PLEKHB2: variants seen among roughly 807,000 people sequenced by gnomAD.
PLEKHB2 encodes the protein pleckstrin homology domain-containing family B member 2.
A neutral mutation model predicts 36.5 loss-of-function variants in PLEKHB2; 31 were observed. That is an observed-to-expected ratio of 0.85 (90% confidence interval 0.64 to 1.15). PLEKHB2 has a LOEUF of 1.15. Ranked by LOEUF, PLEKHB2 falls within the 50% of genes most tolerant of loss-of-function variation. The probability of loss-of-function intolerance (pLI) is 0.00; values close to 1 mark genes in which losing one functional copy is unlikely to be tolerated. For missense variants in PLEKHB2, 262 were observed against 295.3 expected, an observed-to-expected ratio of 0.89 and a Z score of 0.83; for synonymous variants, 119 against 112.0, an observed-to-expected ratio of 1.06 and a Z score of -0.39.
At chr2:131,137,487 A>G (rs1698387446) in intron 6 of PLEKHB2, among the ~76,000 whole-genome samples, 1 of 152,096 alleles carries the variant, frequency 6.6e-6, no homozygotes, top group African/African-American at 2.4e-5. Flanking sequence ...AGGTTTTGAC[A>G]GTTTGTAGTT....
At chr2:131,110,109 C>T (rs975544823) in intron 1 of PLEKHB2, among the ~76,000 whole-genome samples, 4 of 150,002 alleles carry the variant, frequency 2.7e-5, no homozygotes, top group South Asian at 2.1e-4. Context: ...AGTGAGACTC[C>T]GTCTCAAAAA....
At chr2:131,123,766 ACCCCCCCCACCCCCCCCCC>A (rs571688854) in intron 2 of PLEKHB2, among the ~76,000 whole-genome samples, 1 of 11,530 alleles carries the variant, frequency 8.7e-5, no homozygotes, top group Non-Finnish European at 1.7e-4. Flanking sequence ...CTCCTGGTCC[ACCCCCCCCACCCCCCCCCC>A]CGCCCCCCGC....
At chr2:131,128,300 A>T (rs1697300552) in intron 4 of PLEKHB2, among the ~76,000 whole-genome samples, 1 of 152,192 alleles carries the variant, frequency 6.6e-6, no homozygotes, top group Admixed American at 6.5e-5. Flanking sequence ...GCAGGATGTA[A>T]AGAAGTGGCT....
At chr2:131,128,854 G>T (rs190663514) in intron 4 of PLEKHB2, among the ~76,000 whole-genome samples, 27 of 152,110 alleles carry the variant, frequency 1.8e-4, no homozygotes, top group African/African-American at 6.5e-4. Flanking sequence ...TGAAATAATC[G>T]AACTGAATTG....
chr2:131,139,662 G>GA (rs1698589014), intron 6 of PLEKHB2, among the ~76,000 whole-genome samples: 1 of 152,172 alleles, frequency 6.6e-6, no homozygotes, highest in South Asian at 2.1e-4. Flanking sequence ...TGTGCAGCCA[G>GA]AACACCATCA....
chr2:131,124,137 G>A (rs749134683), intron 2 of PLEKHB2, among the ~76,000 whole-genome samples: 17 of 152,226 alleles, frequency 1.1e-4, no homozygotes, highest in African/African-American at 3.9e-4. Context: ...GAGCCATTGC[G>A]CCCAGCCTAT....
At chr2:131,140,348 T>G in intron 7 of PLEKHB2, 73 bp downstream of exon 7, 1 of 766,102 alleles carries the variant, frequency 1.3e-6, no homozygotes, top group Non-Finnish European at 2.2e-6. Context: ...TGTAAACGTT[T>G]TTATTTTTCA....
At chr2:131,146,596 A>G in intron 7 of PLEKHB2, 41 bp from the exon 8 acceptor site, 2 of 1,577,824 alleles carry the variant, frequency 1.3e-6, no homozygotes, top group Non-Finnish European at 1.7e-6. Context: ...TAAACTTCAC[A>G]AACCGCTGCT....
rs1431152082 is a variant in PLEKHB2, at chr2:131,148,400, C to T, written c.*1627C>T. 2 of 152,152 alleles carry T rather than the reference C, an allele frequency of 1.3e-5. No individual in the cohort carries two copies. The highest frequency in any genetic ancestry group is 3.8e-4 in the East Asian group (2 of 5,198). 9.4% of individuals were successfully genotyped at this position (152,152 alleles called of 1,614,324 possible). On this transcript the variant is annotated 3_prime_UTR_variant, in exon 8 of 8. Coordinates refer to ENST00000693505, the MANE Select transcript of PLEKHB2 (RefSeq NM_001100623.2). The stretch of plus-strand genomic sequence containing the variant: ...CTTGTTTTCAAGCTCTGAATTATTG[C>T]AGTTTTCTGTCCTGCATGCTTTCAA...
intron 4 of PLEKHB2, among the ~76,000 whole-genome samples, chr2:131,128,518 G>A (rs1271116836): frequency 1.3e-5 from 2 of 152,130 alleles, no homozygotes; most frequent in Non-Finnish European, 1.5e-5. Context: ...TTCATCATCT[G>A]CTTTCATTAG....
rs187042877 is a variant in PLEKHB2, at chr2:131,149,822, C to T, written c.*3049C>T. 1.3e-5 allele frequency: 2 copies of T among 152,336 alleles called. No individual in the cohort carries two copies. Among genetic ancestry groups the T allele is most frequent in the African/African-American group, 4.8e-5 (2 of 41,570 alleles). The allele number at this position is 152,336 out of a possible 1,614,324, so 9.4% of individuals were successfully genotyped here. A position where few individuals can be genotyped will look rare whatever the true frequency, so the allele number is the denominator to read the frequency against. ...ACATTTGTAAGTGAAAATGTCAATA[C>T]ATTAAAGCATTAACCTTAAAGCATG... On this transcript the variant is annotated 3_prime_UTR_variant, in exon 8 of 8. Coordinates refer to ENST00000693505, the MANE Select transcript of PLEKHB2 (RefSeq NM_001100623.2).
intron 2 of PLEKHB2, among the ~76,000 whole-genome samples, chr2:131,123,856 T>A (rs1004613315): frequency 2.2e-4 from 31 of 141,876 alleles, no homozygotes; most frequent in African/African-American, 8.0e-4. Context: ...CTTTTTTTTT[T>A]TTTTCTTTTT....
chr2:131,105,732 C>T (rs559605652), intron 1 of PLEKHB2, among the ~76,000 whole-genome samples: 59 of 152,284 alleles, frequency 3.9e-4, no homozygotes, highest in African/African-American at 1.3e-3. Context: ...CCCCGAGCCC[C>T]TCCTCTCCGG....
intron 4 of PLEKHB2, among the ~76,000 whole-genome samples, chr2:131,128,424 C>T (rs907285461): frequency 4.6e-5 from 7 of 152,182 alleles, no homozygotes; most frequent in African/African-American, 1.7e-4. Context: ...GCAGAGTCTT[C>T]AGGAATGCTT....
intron 6 of PLEKHB2, among the ~76,000 whole-genome samples, chr2:131,134,364 G>T (rs1170279751): frequency 6.6e-6 from 1 of 152,126 alleles, no homozygotes; most frequent in Non-Finnish European, 1.5e-5. Flanking sequence ...CCTTTTCTCG[G>T]TTGTGCTTTT....
At chr2:131,116,008 T>C (rs1695836320) in intron 1 of PLEKHB2, among the ~76,000 whole-genome samples, 2 of 152,118 alleles carry the variant, frequency 1.3e-5, no homozygotes, top group African/African-American at 4.8e-5. Flanking sequence ...TGAGGAGAGG[T>C]AGACAGGATG....
At chr2:131,105,738 TC>T (rs1391710235) in intron 1 of PLEKHB2, among the ~76,000 whole-genome samples, 1 of 152,000 alleles carries the variant, frequency 6.6e-6, no homozygotes, top group Non-Finnish European at 1.5e-5. Flanking sequence ...GCCCCTCCTC[TC>T]CGGCCCCGCG....
Position 131,147,442 on chromosome 2 carries a change from G to GA in PLEKHB2, c.*671dup. 6.6e-6 allele frequency: 1 copy of GA among 152,376 alleles called. No individual in the cohort carries two copies. The highest frequency in any genetic ancestry group is 1.9e-4 in the East Asian group (1 of 5,190). The allele number at this position is 152,376 out of a possible 1,614,324, so 9.4% of individuals were successfully genotyped here. Reference sequence around the variant, plus strand: ...TATGGCTTTGGTAGGCATACTTGGAGAACATATCCCACATTAGGAATTGAT... The same window carrying GA: ...TATGGCTTTGGTAGGCATACTTGGAGAAACATATCCCACATTAGGAATTGAT... On this transcript the variant is annotated 3_prime_UTR_variant, in exon 8 of 8. Transcript: ENST00000693505.
intron 5 of PLEKHB2, among the ~76,000 whole-genome samples, chr2:131,131,501 T>TACGATAAAGAC (rs1478575926): frequency 6.6e-6 from 1 of 152,196 alleles, no homozygotes; most frequent in Non-Finnish European, 1.5e-5. Context: ...ATGCTGTCTT[T>TACGATAAAGAC]ATCTGTCAGT....
Sources: allele counts gnomAD v4.1 joint callset (sites outside exome capture counted in the v4.1 genomes callset), GRCh38; gene constraint gnomAD v4.1.1; transcripts MANE v1.5; gene names NCBI Gene and HGNC (gene_info 2026-07-23, HGNC 2026-07-21).